Variants in CDCP1 observed in about 807,000 individuals in gnomAD.
CDCP1 encodes the protein CUB domain containing protein 1.
In CDCP1, 29 loss-of-function variants were observed where a neutral mutation model predicts 60.2. The ratio of observed to expected loss-of-function variants is 0.48; its 90% CI spans 0.36 to 0.66. The LOEUF is 0.66. Ranked by LOEUF, CDCP1 falls within the 30% of genes least tolerant of loss-of-function variation. The pLI is 0.00. For missense variants in CDCP1, 876 were observed against 1,074.3 expected (o/e 0.82, Z 2.58); for synonymous variants, 387 against 431.1 (o/e 0.90, Z 1.27).
At chr3:45,105,239 A>G (rs1404671052) in intron 4 of CDCP1, among the ~76,000 whole-genome samples, 2 of 152,010 alleles carry the variant, frequency 1.3e-5, no homozygotes, top group African/African-American at 4.8e-5. Flanking sequence ...TAGATAGACA[A>G]TTTTTTTTGG....
At chr3:45,142,130 G>T (rs969641500) in intron 1 of CDCP1, among the ~76,000 whole-genome samples, 7 of 152,054 alleles carry the variant, frequency 4.6e-5, no homozygotes, top group African/African-American at 1.7e-4. Flanking sequence ...ACTGCGCCTG[G>T]CTCGGTATAA....
At chr3:45,086,363 G>A (rs895137185) in intron 8 of CDCP1, among the ~76,000 whole-genome samples, 2 of 152,174 alleles carry the variant, frequency 1.3e-5, no homozygotes, top group African/African-American at 4.8e-5. Flanking sequence ...ATAGATATGC[G>A]GTATCCAATG....
rs374118522 is a variant in CDCP1 at position 45,112,285 on chromosome 3, C to T, written c.453G>A (p.Pro151=). 9.4e-5 allele frequency: 152 copies of T among 1,614,090 alleles called. No individual in the cohort carries two copies. The highest frequency in any genetic ancestry group is 2.7e-4 in the Admixed American group (16 of 59,998). Residue 151 remains proline, a synonymous_variant, in exon 3 of 9, where the codon CCG becomes CCA. Transcript: ENST00000296129. The stretch of plus-strand genomic sequence containing the variant: ...TGACTCCGTCTGGGCAGCTCTCACC[C>T]GGACCGATCTGCCTCAGGCGAGGGA... ...FSIPRLRQIG[P]GESCPDGVTH... is the part of the protein sequence containing the mutation.
chr3:45,129,320 A>G (rs1223225033), intron 1 of CDCP1, among the ~76,000 whole-genome samples: 1 of 152,234 alleles, frequency 6.6e-6, no homozygotes, highest in African/African-American at 2.4e-5. Flanking sequence ...ACGGACATTA[A>G]CATTTAATTC....
At chr3:45,127,849 C>T (rs1290996882) in intron 1 of CDCP1, among the ~76,000 whole-genome samples, 1 of 152,188 alleles carries the variant, frequency 6.6e-6, no homozygotes, top group Admixed American at 6.5e-5. Flanking sequence ...TGGCTGCTTA[C>T]CAGACTCCCC....
At chr3:45,116,332 A>G (rs1173645604) in intron 2 of CDCP1, among the ~76,000 whole-genome samples, 5 of 151,934 alleles carry the variant, frequency 3.3e-5, no homozygotes, top group Non-Finnish European at 7.4e-5. Flanking sequence ...CATCACATTA[A>G]CTGATTAGCC....
Position 45,091,709 on chromosome 3 carries a change from G to C in CDCP1, c.1628-171C>G, listed in dbSNP as rs1231148086. Among the ~76,000 whole-genome samples, 1 of 152,244 alleles carries C rather than the reference G, an allele frequency of 6.6e-6. No individual in the cohort carries two copies. The highest frequency in any genetic ancestry group is 2.4e-5 in the African/African-American group (1 of 41,458). ...GCACCATCTGATAGGGTAGCCACCA[G>C]CTATATGTCTGCTGAGCCTTGAAAT... On this transcript the variant is annotated intron_variant, in intron 6 of 8. Transcript: ENST00000296129. This position sits in a 1 kb window ranked among gnomAD's most constrained non-coding sequence, Gnocchi z 4.8.
chr3:45,145,719 C>CT (rs1559405087), intron 1 of CDCP1, among the ~76,000 whole-genome samples: 2 of 152,258 alleles, frequency 1.3e-5, no homozygotes, highest in South Asian at 4.2e-4. Context: ...CGTGAAAGCA[C>CT]TTTTTTTGCA....
rs768038620 is a variant in CDCP1 at position 45,095,490 on chromosome 3, C to T, written c.1103G>A (p.Arg368His). The change falls in exon 5 of 9, where the codon CGC becomes CAC. Residue 368 changes from arginine (R) to histidine (H), a missense_variant. Around this residue, in one of 2 missense-constraint regions of CDCP1, gnomAD observed 726 missense variants for 935.7 expected, o/e 0.78. Transcript: ENST00000296129. The stretch of plus-strand genomic sequence containing the variant: ...CACGAAACAGCCAGGGACAAACTTG[C>T]GGCTCTGTTTGACGGGCCGTGGCTC... The part of the protein sequence containing the change: ...TIEPRPVKQS[R>H]KFVPGCFVCL... 25 of 1,614,002 alleles carry T rather than the reference C, an allele frequency of 1.5e-5. No homozygotes were observed. The highest frequency in any genetic ancestry group is 1.7e-5 in the Non-Finnish European group (20 of 1,180,022).
chr3:45,135,438 C>T (rs759523374), intron 1 of CDCP1, among the ~76,000 whole-genome samples: 35 of 152,128 alleles, frequency 2.3e-4, no homozygotes, highest in Non-Finnish European at 4.1e-4. Flanking sequence ...AAGGAGGCTT[C>T]GAACAAAACC....
At chr3:45,129,427 C>T (rs62242543) in intron 1 of CDCP1, among the ~76,000 whole-genome samples, 1 of 152,156 alleles carries the variant, frequency 6.6e-6, no homozygotes, top group Non-Finnish European at 1.5e-5. Flanking sequence ...ACGGGAATTG[C>T]AGAATTAAAT....
At chr3:45,092,044 C>G (rs1184574749) in intron 6 of CDCP1, among the ~76,000 whole-genome samples, 3 of 152,218 alleles carry the variant, frequency 2.0e-5, no homozygotes, top group Non-Finnish European at 4.4e-5. Context: ...ATCTGCCTGC[C>G]TTGGCCTCCC....
At chr3:45,133,268 C>A (rs149387735) in intron 1 of CDCP1, among the ~76,000 whole-genome samples, 7 of 152,076 alleles carry the variant, frequency 4.6e-5, no homozygotes, top group African/African-American at 1.7e-4. Context: ...GAGAATGTAG[C>A]CTGACAACGT....
At position 45,094,140 on chromosome 3, in the gene CDCP1, G is replaced by A. The variant is rs1698355243; in HGVS notation, c.1247-483C>T. On this transcript the variant is annotated intron_variant, in intron 5 of 8. Transcript: ENST00000296129. ...GGCTACTTTGCCTCTTGTGGCCTTA[G>A]TTCCTGCATTTGAACTAAGAGCACA... 2.0e-5 allele frequency among the ~76,000 whole-genome samples: 3 copies of A among 152,130 alleles called. No individual in the cohort carries two copies. In the South Asian group the frequency reaches 6.2e-4, roughly 31 times the overall value.
intron 7 of CDCP1, among the ~76,000 whole-genome samples, chr3:45,090,106 G>A (rs11719568): frequency 0.014 from 2,173 of 152,336 alleles, 23 homozygotes; most frequent in Middle Eastern, 0.024. Flanking sequence ...ATCTATGAGT[G>A]TGGAGAGGTT....
chr3:45,113,003 A>G (rs569616327), intron 2 of CDCP1, among the ~76,000 whole-genome samples: 1 of 152,232 alleles, frequency 6.6e-6, no homozygotes, highest in African/African-American at 2.4e-5. Flanking sequence ...TCTCTTAACT[A>G]CTGTGATTTC....
Position 45,126,203 on chromosome 3 carries a change from T to TTTCCTTCCTTCCTTCC in CDCP1, c.83-7583_83-7582insGGAAGGAAGGAAGGAA, listed in dbSNP as rs10655959. ...CTTTCTCTCTCTCTCTCTTTCTTTC[T>TTTCCTTCCTTCCTTCC]TTCCTTCCTTCCTTCTTTCTTTCCT... is the stretch of plus-strand genomic sequence containing the variant. On this transcript the variant is annotated intron_variant, in intron 1 of 8. Coordinates refer to ENST00000296129, the MANE Select transcript of CDCP1 (RefSeq NM_022842.5). Among the ~76,000 whole-genome samples, 8 of 134,364 alleles carry TTTCCTTCCTTCCTTCC rather than the reference T, an allele frequency of 6.0e-5. 1 individual carries two copies. Among genetic ancestry groups the TTTCCTTCCTTCCTTCC allele is most frequent in the Non-Finnish European group, 1.3e-4 (8 of 63,458 alleles). 88.1% of individuals were successfully genotyped at this position (134,364 alleles called of 152,430 possible).
intron 5 of CDCP1, among the ~76,000 whole-genome samples, chr3:45,094,351 G>A (rs113554334): frequency 0.037 from 5,583 of 151,996 alleles, 139 homozygotes; most frequent in South Asian, 0.062. Context: ...TCAGCCTCCC[G>A]AGTAGCTAGG....
chr3:45,124,251 A>G (rs1322717652), intron 1 of CDCP1, among the ~76,000 whole-genome samples: 2 of 152,180 alleles, frequency 1.3e-5, no homozygotes, highest in Non-Finnish European at 2.9e-5. Context: ...GGTGATAAAC[A>G]CCGGAAGTCA....
Sources: gnomAD v4.1 joint callset for allele counts (sites outside exome capture counted in the v4.1 genomes callset) on GRCh38, gnomAD v4.1.1 for gene constraint, gnomAD v4.1.1 regional missense constraint, Gnocchi (gnomAD v3.1) non-coding constraint, MANE v1.5 for transcripts, NCBI Gene and HGNC (gene_info 2026-07-23, HGNC 2026-07-21) for gene names.